Variants in DAZAP1 observed in about 807,000 individuals in gnomAD.
The protein encoded by DAZAP1 is DAZ associated protein 1.
DAZAP1 carries 6 observed loss-of-function variants against 60.1 expected under a neutral mutation model. The observed-to-expected ratio is 0.10, with a 90% CI of 0.05 to 0.20. The LOEUF (loss-of-function observed/expected upper bound fraction) is 0.20. DAZAP1 is among the 10% of genes least tolerant of loss of function. The probability of loss-of-function intolerance (pLI) is 1.00; values close to 1 mark genes in which losing one functional copy is unlikely to be tolerated. For missense variants in DAZAP1, 366 were observed against 560.4 expected, an observed-to-expected ratio of 0.65 and a Z score of 3.50; for synonymous variants, 235 against 215.9, an observed-to-expected ratio of 1.09 and a Z score of -0.78.
rs370525544 is a variant in DAZAP1, at chr19:1,434,807, C to T, written c.1119C>T (p.Tyr373=). 136 of 1,611,868 alleles carry T rather than the reference C, an allele frequency of 8.4e-5. No homozygotes were observed. Among genetic ancestry groups the T allele is most frequent in the South Asian group, 8.2e-4 (75 of 90,994 alleles). The part of the protein sequence containing the change: ...FSDPSQQPPS[Y]GGPSVPGSGG... Reference sequence around the variant, plus strand: ...ACCCCAGCCAGCAGCCTCCTTCCTACGGGGGTCCCTCCGTGCCAGGGTCGG... The same window carrying T: ...ACCCCAGCCAGCAGCCTCCTTCCTATGGGGGTCCCTCCGTGCCAGGGTCGG... Residue 373 remains tyrosine, a synonymous_variant, in exon 12 of 12, where the codon TAC becomes TAT. Transcript: ENST00000233078. This position sits in a 1 kb window ranked among gnomAD's most constrained non-coding sequence, Gnocchi z 8.0.
intron 10 of DAZAP1, 100 bp downstream of exon 10, chr19:1,430,462 A>C: frequency 8.6e-7 from 1 of 1,158,114 alleles, no homozygotes. Flanking sequence ...GTCTGGCCTC[A>C]GCCACAGGTG....
Position 1,434,489 on chromosome 19 carries a change from G to T in DAZAP1, c.1049-248G>T. On this transcript the variant is annotated intron_variant, in intron 11 of 11. Transcript: ENST00000233078. The surrounding 1 kb of genome is among the most constrained non-coding windows in gnomAD (Gnocchi z 8.0). The stretch of plus-strand genomic sequence containing the variant: ...TTGAACAGGGAAGCGGTGAGGTTAC[G>T]TGGGCCATGGAGGGCTCTGGAAGCC... The T allele has an allele frequency of 2.1e-6, 1 of 471,452 alleles. No homozygotes were observed. Among genetic ancestry groups the T allele is most frequent in the South Asian group, 2.6e-5 (1 of 37,920 alleles). 29.2% of individuals were successfully genotyped at this position (471,452 alleles called of 1,614,324 possible). A position where few individuals can be genotyped will look rare whatever the true frequency, so the allele number is the denominator to read the frequency against.
intron 1 of DAZAP1, among the ~76,000 whole-genome samples, chr19:1,410,272 G>A (rs1412279409): frequency 3.9e-5 from 6 of 152,190 alleles, no homozygotes; most frequent in Non-Finnish European, 7.4e-5. Context: ...GGGGCTTCAT[G>A]CAGGAGGAAG....
In DAZAP1 at chr19:1,428,727, T is replaced by C. The variant is rs2083365444; in HGVS notation, c.547-115T>C. ...TAAATAAGGTTTATAGTTAAGTATTTAGTCTTAAGTTGTAAGATGCTAAGT... is the reference window on the plus strand; with the variant it reads ...TAAATAAGGTTTATAGTTAAGTATTCAGTCTTAAGTTGTAAGATGCTAAGT... On this transcript the variant is annotated intron_variant, in intron 7 of 11. Transcript: ENST00000233078. This position sits in a 1 kb window ranked among gnomAD's most constrained non-coding sequence, Gnocchi z 4.0. 3.2e-6 allele frequency: 4 copies of C among 1,234,184 alleles called. No individual in the cohort carries two copies. The highest frequency in any genetic ancestry group is 1.5e-5 in the African/African-American group (1 of 65,298). The allele number at this position is 1,234,184 out of a possible 1,614,324, so 76.5% of individuals were successfully genotyped here.
chr19:1,418,321 G>C lies in DAZAP1; in HGVS notation c.188G>C (p.Cys63Ser). The C allele has an allele frequency of 6.2e-7, 1 of 1,614,190 alleles. No homozygotes were observed. Among genetic ancestry groups the C allele is most frequent in the Non-Finnish European group, 8.5e-7 (1 of 1,180,036 alleles). ...TTTGTCAAATTTAAAGACCCAAACTGTGTGGGGACGGTGCTGGCCAGCAGA... is the reference window on the plus strand; with the variant it reads ...TTTGTCAAATTTAAAGACCCAAACTCTGTGGGGACGGTGCTGGCCAGCAGA... The part of the protein sequence containing the change: ...FGFVKFKDPN[C>S]VGTVLASRPH... The change falls in exon 3 of 12, where the codon TGT (cysteine) becomes TCT (serine). Residue 63 changes from cysteine (C) to serine (S), a missense_variant. Coordinates refer to ENST00000233078, the MANE Select transcript of DAZAP1 (RefSeq NM_018959.4). This position sits in a 1 kb window ranked among gnomAD's most constrained non-coding sequence, Gnocchi z 5.7.
chr19:1,410,547 C>T (rs1344074420), intron 1 of DAZAP1, among the ~76,000 whole-genome samples: 1 of 152,240 alleles, frequency 6.6e-6, no homozygotes, highest in Non-Finnish European at 1.5e-5. Flanking sequence ...GTGAAGTCAT[C>T]TTAAAGTCTG....
intron 1 of DAZAP1, among the ~76,000 whole-genome samples, chr19:1,415,351 T>TTA (rs1555780964): frequency 2.9e-5 from 2 of 69,942 alleles, no homozygotes; most frequent in Admixed American, 1.4e-4. Context: ...TTTCAGGGTT[T>TTA]TATGTGTGTG....
intron 1 of DAZAP1, 91 bp downstream of exon 1, chr19:1,407,893 G>T (rs2082710003): frequency 1.0e-6 from 1 of 1,002,756 alleles, no homozygotes; most frequent in Non-Finnish European, 1.2e-6. Context: ...CCCCGGGGCC[G>T]CCCCGTCAAG....
chr19:1,434,660 G>A lies in DAZAP1; in HGVS notation c.1049-77G>A, dbSNP rs949681886. On this transcript the variant is annotated intron_variant, in intron 11 of 11. Coordinates refer to ENST00000233078, the MANE Select transcript of DAZAP1 (RefSeq NM_018959.4). This position sits in a 1 kb window ranked among gnomAD's most constrained non-coding sequence, Gnocchi z 8.0. ...GACTCAAGGCAGGCTCGGCGGAGCT[G>A]TGTCCAGGTGGCCTCGCTCGACGGC... 6.6e-7 allele frequency: 1 copy of A among 1,516,878 alleles called. No individual in the cohort carries two copies. 94.0% of individuals were successfully genotyped at this position (1,516,878 alleles called of 1,614,324 possible). A position where few individuals can be genotyped will look rare whatever the true frequency, so the allele number is the denominator to read the frequency against.
At chr19:1,431,340 A>G (rs1310734513) in intron 10 of DAZAP1, among the ~76,000 whole-genome samples, 2 of 150,474 alleles carry the variant, frequency 1.3e-5, no homozygotes, top group Non-Finnish European at 3.0e-5. Flanking sequence ...CGTGTTAGGC[A>G]GGATGGTCTC....
At chr19:1,408,633 C>T (rs1026600546) in intron 1 of DAZAP1, among the ~76,000 whole-genome samples, 1 of 152,144 alleles carries the variant, frequency 6.6e-6, no homozygotes, top group African/African-American at 2.4e-5. Flanking sequence ...TGCCTCGGCG[C>T]CTCCCCGCCG....
At chr19:1,417,263 C>G (rs187562321) in intron 1 of DAZAP1, 1 of 570,756 alleles carries the variant, frequency 1.8e-6, no homozygotes, top group Non-Finnish European at 3.1e-6. Flanking sequence ...GGTCAGCGTG[C>G]GGCTCTGTGG....
In DAZAP1 at chr19:1,432,753, T is replaced by A; in HGVS notation, c.1048+63T>A. The stretch of plus-strand genomic sequence containing the variant: ...CCAGGACCCTGGGCACGGCCTGCCT[T>A]CTTCTGCTTCCTCCCCTGCTGGACG... On this transcript the variant is annotated intron_variant, in intron 11 of 11. Coordinates refer to ENST00000233078, the MANE Select transcript of DAZAP1 (RefSeq NM_018959.4). This position sits in a 1 kb window ranked among gnomAD's most constrained non-coding sequence, Gnocchi z 4.9. 2 of 1,501,436 alleles carry A rather than the reference T, an allele frequency of 1.3e-6. No homozygotes were observed. The highest frequency in any genetic ancestry group is 1.8e-6 in the Non-Finnish European group (2 of 1,113,674). 93.0% of individuals were successfully genotyped at this position (1,501,436 alleles called of 1,614,324 possible). A position where few individuals can be genotyped will look rare whatever the true frequency, so the allele number is the denominator to read the frequency against.
rs931622285 is a variant in DAZAP1, at chr19:1,429,136, C to A, written c.700+141C>A. On this transcript the variant is annotated intron_variant, in intron 8 of 11. Coordinates refer to ENST00000233078, the MANE Select transcript of DAZAP1 (RefSeq NM_018959.4). Reference sequence around the variant, plus strand: ...GCGGTTCACAGTGTCCTTGAGCCCCCGCGAGGTGCCGGCTGACAGCCAGCT... The same window carrying A: ...GCGGTTCACAGTGTCCTTGAGCCCCAGCGAGGTGCCGGCTGACAGCCAGCT... 3.5e-6 allele frequency: 4 copies of A among 1,137,204 alleles called. No individual in the cohort carries two copies. In the South Asian group the frequency reaches 5.6e-5, roughly 16 times the overall value. The allele number at this position is 1,137,204 out of a possible 1,614,324, so 70.4% of individuals were successfully genotyped here.
chr19:1,432,967 A>G lies in DAZAP1; in HGVS notation c.1048+277A>G. On this transcript the variant is annotated intron_variant, in intron 11 of 11. Coordinates refer to ENST00000233078, the MANE Select transcript of DAZAP1 (RefSeq NM_018959.4). The surrounding 1 kb of genome is among the most constrained non-coding windows in gnomAD (Gnocchi z 4.9). ...GGGAACCTGAGTGGCGACTGGGTCG[A>G]GGGAAGTGAGTCGCAGGCAGCTGTG... The G allele has an allele frequency of 2.2e-6, 1 of 445,798 alleles. No homozygotes were observed. Among genetic ancestry groups the G allele is most frequent in the Non-Finnish European group, 4.0e-6 (1 of 249,022 alleles). The allele number at this position is 445,798 out of a possible 1,614,324, so 27.6% of individuals were successfully genotyped here. A position where few individuals can be genotyped will look rare whatever the true frequency, so the allele number is the denominator to read the frequency against.
At chr19:1,429,023 G>A (rs760760743) in intron 8 of DAZAP1, 28 bp downstream of exon 8, 135 of 1,547,438 alleles carry the variant, frequency 8.7e-5, no homozygotes, top group Non-Finnish European at 1.1e-4. Flanking sequence ...GTGCCCACGG[G>A]AATGTCCCCC....
intron 10 of DAZAP1, among the ~76,000 whole-genome samples, chr19:1,431,810 C>T (rs547759961): frequency 1.3e-5 from 2 of 152,280 alleles, no homozygotes; most frequent in South Asian, 2.1e-4. Flanking sequence ...CCTCACAGCA[C>T]GCAGCCAGCA....
At position 1,407,720 on chromosome 19, in the gene DAZAP1, G is replaced by A; in HGVS notation, c.-54G>A. 9.4e-7 allele frequency: 1 copy of A among 1,067,688 alleles called. No individual in the cohort carries two copies. The highest frequency in any genetic ancestry group is 1.1e-6 in the Non-Finnish European group (1 of 884,680). 66.1% of individuals were successfully genotyped at this position (1,067,688 alleles called of 1,614,324 possible). ...GCGACGGAGCGGGTGACCTTCCGGA[G>A]GCGGGAGCGAGCGAGGAGGCCCGGG... On this transcript the variant is annotated 5_prime_UTR_variant, in exon 1 of 12. Coordinates refer to ENST00000233078, the MANE Select transcript of DAZAP1 (RefSeq NM_018959.4).
rs1315720826 is a variant in DAZAP1 at position 1,426,783 on chromosome 19, G to A, written c.546+823G>A. 6.6e-6 allele frequency: 1 copy of A among 152,240 alleles called. No homozygotes were observed. Among genetic ancestry groups the A allele is most frequent in the Non-Finnish European group, 1.5e-5 (1 of 68,042 alleles). 9.4% of individuals were successfully genotyped at this position (152,240 alleles called of 1,614,324 possible). ...TCCTGTCTTGGTCCTTTCAAACCAAGGAGCTCTGCTGGCTCTGCCAGGCCG... is the reference window on the plus strand; with the variant it reads ...TCCTGTCTTGGTCCTTTCAAACCAAAGAGCTCTGCTGGCTCTGCCAGGCCG... On this transcript the variant is annotated intron_variant, in intron 7 of 11. Coordinates refer to ENST00000233078, the MANE Select transcript of DAZAP1 (RefSeq NM_018959.4). This position sits in a 1 kb window ranked among gnomAD's most constrained non-coding sequence, Gnocchi z 5.4.
Sources: allele counts gnomAD v4.1 joint callset (sites outside exome capture counted in the v4.1 genomes callset), GRCh38; gene constraint gnomAD v4.1.1; non-coding constraint Gnocchi (gnomAD v3.1); transcripts MANE v1.5; gene names NCBI Gene and HGNC (gene_info 2026-07-23, HGNC 2026-07-21).